The following FAM120A variants were observed in gnomAD, a reference collection of about 807,000 sequenced individuals.
The protein encoded by FAM120A is family with sequence similarity 120 member A, also known as constitutive coactivator of PPAR-gamma-like protein 1.
A neutral mutation model predicts 109.7 loss-of-function variants in FAM120A; 15 were observed. The observed-to-expected ratio is 0.14, with a 90% confidence interval of 0.09 to 0.21. The LOEUF (loss-of-function observed/expected upper bound fraction) is 0.21, where lower values mean the gene tolerates loss of function less well. Ranked by LOEUF, FAM120A falls within the 10% of genes least tolerant of loss-of-function variation. The probability of loss-of-function intolerance (pLI) is 1.00; values close to 1 mark genes in which losing one functional copy is unlikely to be tolerated. For missense variants in FAM120A, 899 were observed against 1,439.3 expected, an observed-to-expected ratio of 0.62 and a Z score of 6.07; for synonymous variants, 493 against 572.8, an observed-to-expected ratio of 0.86 and a Z score of 1.99.
Position 93,557,982 on chromosome 9 carries a change from C to T in FAM120A, c.2640C>T (p.Pro880=). Residue 880 remains proline, a synonymous_variant, in exon 14 of 18, where the codon CCC becomes CCT. Transcript: ENST00000277165. ...AYPRHFGPVP[P]SQGRGRGFAG... is the part of the protein sequence containing the mutation. ...CCCGGCACTTTGGGCCTGTCCCACC[C>T]TCTCAGGGCAGGGGCAGAGGCTTTG... 1 of 1,601,254 alleles carries T rather than the reference C, an allele frequency of 6.2e-7. No homozygotes were observed. The highest frequency in any genetic ancestry group is 8.5e-7 in the Non-Finnish European group (1 of 1,179,290).
chr9:93,479,814 C>A (rs1185249970), intron 3 of FAM120A, among the ~76,000 whole-genome samples: 3 of 149,084 alleles, frequency 2.0e-5, no homozygotes, highest in Non-Finnish European at 4.5e-5. Context: ...AACTCTCTGA[C>A]TGTCATCGAA....
In FAM120A at chr9:93,525,457, C is replaced by T. The variant is rs561123601; in HGVS notation, c.1419-1698C>T. Among the ~76,000 whole-genome samples, 11 of 152,268 alleles carry T rather than the reference C, an allele frequency of 7.2e-5. 1 individual carries two copies. Among genetic ancestry groups the T allele is most frequent in the East Asian group, 1.9e-4 (1 of 5,184 alleles). Reference sequence around the variant, plus strand: ...CTGGGGATGGGTGCTTGTGGGTCTGCGTGGTTAATAAGCATTCCACATGAG... The same window carrying T: ...CTGGGGATGGGTGCTTGTGGGTCTGTGTGGTTAATAAGCATTCCACATGAG... On this transcript the variant is annotated intron_variant, in intron 7 of 17. Coordinates refer to ENST00000277165, the MANE Select transcript of FAM120A (RefSeq NM_014612.5).
chr9:93,452,065 C>G lies in FAM120A; in HGVS notation c.150C>G (p.Ala50=). The change falls in exon 1 of 18, where the codon GCC becomes GCG. Residue 50 remains alanine (A), a synonymous_variant. Coordinates refer to ENST00000277165, the MANE Select transcript of FAM120A (RefSeq NM_014612.5). The surrounding 1 kb of genome is among the most constrained non-coding windows in gnomAD (Gnocchi z 7.0). The part of the protein sequence containing the change: ...PQTPLRLLVD[A]DNCLHRLYGG... ...CCCCGCTGCGCCTGCTGGTGGACGC[C>G]GACAACTGCCTGCACCGCCTCTACG... is the stretch of plus-strand genomic sequence containing the variant. The G allele has an allele frequency of 1.9e-6, 3 of 1,595,730 alleles. No individual in the cohort carries two copies. Among genetic ancestry groups the G allele is most frequent in the Non-Finnish European group, 1.7e-6 (2 of 1,171,890 alleles).
chr9:93,470,390 T>C (rs1472958973), intron 1 of FAM120A, among the ~76,000 whole-genome samples: 3 of 152,210 alleles, frequency 2.0e-5, no homozygotes, highest in African/African-American at 7.2e-5. Context: ...TCAAAGGTGT[T>C]GCTTCTCTGC....
At chr9:93,555,447 G>A (rs1862255707) in intron 12 of FAM120A, among the ~76,000 whole-genome samples, 1 of 152,186 alleles carries the variant, frequency 6.6e-6, no homozygotes, top group South Asian at 2.1e-4. Context: ...TCTCTTTAAT[G>A]AAAAGCCCCT....
chr9:93,480,583 A>T lies in FAM120A; in HGVS notation c.804+4245A>T, dbSNP rs906381014. ...AGTAAGTTACTCTGTTTGATTGGAA[A>T]CATAAGAGAATCTTTTATGTACCTG... is the stretch of plus-strand genomic sequence containing the variant. On this transcript the variant is annotated intron_variant, in intron 3 of 17. Coordinates refer to ENST00000277165, the MANE Select transcript of FAM120A (RefSeq NM_014612.5). Among the ~76,000 whole-genome samples the T allele has an allele frequency of 2.6e-5, 4 of 152,150 alleles. No homozygotes were observed. The South Asian group carries it at 8.3e-4, about 32-fold the overall frequency.
intron 7 of FAM120A, among the ~76,000 whole-genome samples, chr9:93,525,331 C>T (rs1861027536): frequency 6.6e-6 from 1 of 152,108 alleles, no homozygotes; most frequent in African/African-American, 2.4e-5. Flanking sequence ...TTGCTTGGCA[C>T]TTTCCTAACA....
chr9:93,539,277 G>A lies in FAM120A; in HGVS notation c.1910-3945G>A, dbSNP rs186063103. 8.7e-3 allele frequency among the ~76,000 whole-genome samples: 1,318 copies of A among 152,032 alleles called. 11 individuals carry two copies. Among genetic ancestry groups the A allele is most frequent in the Admixed American group, 0.014 (211 of 15,290 alleles). ...CTCCCAAAGTGCTGGGATTACAGGC[G>A]TGAGCCACCGCGCCTGGCCGCCCTA... On this transcript the variant is annotated intron_variant, in intron 10 of 17. Transcript: ENST00000277165.
At chr9:93,529,238 A>G (rs1000662358) in intron 8 of FAM120A, 115 bp from the exon 9 acceptor site, 3 of 903,036 alleles carry the variant, frequency 3.3e-6, no homozygotes, top group Non-Finnish European at 4.9e-6. Context: ...TCTCTAAGAC[A>G]GGACTCATCT....
chr9:93,489,239 A>G (rs1435258913), intron 3 of FAM120A, among the ~76,000 whole-genome samples: 1 of 152,176 alleles, frequency 6.6e-6, no homozygotes, highest in Non-Finnish European at 1.5e-5. Flanking sequence ...TGTGGTGGAT[A>G]CTTAGTAAGC....
At chr9:93,472,233 C>T (rs1270828358) in intron 2 of FAM120A, among the ~76,000 whole-genome samples, 1 of 151,574 alleles carries the variant, frequency 6.6e-6, no homozygotes, top group Non-Finnish European at 1.5e-5. Context: ...GCACTCCAGC[C>T]TGGGAGACAG....
intron 5 of FAM120A, among the ~76,000 whole-genome samples, chr9:93,513,634 G>C (rs1379186150): frequency 6.6e-6 from 1 of 152,182 alleles, no homozygotes; most frequent in African/African-American, 2.4e-5. Flanking sequence ...GAAGGGCTAT[G>C]GTGTTTAAAG....
intron 11 of FAM120A, among the ~76,000 whole-genome samples, chr9:93,547,362 T>C (rs1861925255): frequency 6.6e-6 from 1 of 152,166 alleles, no homozygotes; most frequent in South Asian, 2.1e-4. Context: ...CAGTGTGTGC[T>C]CTAGAGGTGC....
intron 1 of FAM120A, among the ~76,000 whole-genome samples, chr9:93,456,764 A>G (rs952785175): frequency 1.9e-5 from 2 of 103,348 alleles, no homozygotes; most frequent in African/African-American, 4.4e-5. Flanking sequence ...CCTACCTACA[A>G]TTCTCACCCC....
chr9:93,518,841 A>T (rs569379515), intron 7 of FAM120A, among the ~76,000 whole-genome samples: 5 of 152,380 alleles, frequency 3.3e-5, no homozygotes, highest in Admixed American at 3.3e-4. Flanking sequence ...AAACTTGTTC[A>T]TCCCGTGGCC....
intron 12 of FAM120A, among the ~76,000 whole-genome samples, chr9:93,555,980 T>G (rs1392637538): frequency 6.6e-6 from 1 of 152,242 alleles, no homozygotes; most frequent in Non-Finnish European, 1.5e-5. Context: ...ACTCTTTCTG[T>G]TAATACGTTA....
At chr9:93,541,342 G>T (rs1233115984) in intron 10 of FAM120A, among the ~76,000 whole-genome samples, 1 of 152,104 alleles carries the variant, frequency 6.6e-6, no homozygotes, top group Non-Finnish European at 1.5e-5. Context: ...CATGGTAGTG[G>T]TGGTTGTGGA....
At chr9:93,522,189 A>C (rs1273068653) in intron 7 of FAM120A, among the ~76,000 whole-genome samples, 3 of 152,244 alleles carry the variant, frequency 2.0e-5, no homozygotes, top group Non-Finnish European at 4.4e-5. Flanking sequence ...ATCTGAGGTT[A>C]CTGTATTACA....
At chr9:93,453,561 G>A in intron 1 of FAM120A, 2 of 985,418 alleles carry the variant, frequency 2.0e-6, no homozygotes, top group Non-Finnish European at 2.4e-6. Flanking sequence ...TGCCCGCGAG[G>A]AGATGGTGGT....
Sources: gnomAD v4.1 joint callset for allele counts (sites outside exome capture counted in the v4.1 genomes callset) on GRCh38, gnomAD v4.1.1 for gene constraint, Gnocchi (gnomAD v3.1) non-coding constraint, MANE v1.5 for transcripts, NCBI Gene and HGNC (gene_info 2026-07-23, HGNC 2026-07-21) for gene names.